The following FTO variants were observed in gnomAD, a reference collection of about 807,000 sequenced individuals.
FTO encodes the protein alpha-ketoglutarate-dependent dioxygenase FTO.
A neutral mutation model predicts 63.9 loss-of-function variants in FTO; 47 were observed. The observed-to-expected ratio is 0.74, with a 90% CI of 0.58 to 0.94. The LOEUF (loss-of-function observed/expected upper bound fraction) is 0.94, where lower values mean the gene tolerates loss of function less well. Among genes scored for constraint, FTO ranks in the 40% least tolerant of loss-of-function variants. The probability of loss-of-function intolerance (pLI) is 0.00; values close to 1 mark genes in which losing one functional copy is unlikely to be tolerated. For missense variants in FTO, 562 were observed against 618.1 expected (o/e 0.91, Z 0.96); for synonymous variants, 207 against 224.4 (o/e 0.92, Z 0.69).
At chr16:53,892,066 T>C (rs997047389) in intron 7 of FTO, among the ~76,000 whole-genome samples, 1 of 152,242 alleles carries the variant, frequency 6.6e-6, no homozygotes, top group Middle Eastern at 3.4e-3. Flanking sequence ...TACAGTGACT[T>C]TTTACAAATT....
At chr16:53,752,136 A>G (rs944261939) in intron 1 of FTO, among the ~76,000 whole-genome samples, 1 of 152,252 alleles carries the variant, frequency 6.6e-6, no homozygotes, top group Non-Finnish European at 1.5e-5. Context: ...GTTTAAATAC[A>G]TTAAGGGAGA....
At chr16:53,759,691 CTCAAAAAAAA>C (rs1374725447) in intron 1 of FTO, among the ~76,000 whole-genome samples, 53 of 114,314 alleles carry the variant, frequency 4.6e-4, no homozygotes, top group African/African-American at 9.6e-4. Context: ...AAGACTCCTT[CTCAAAAAAAA>C]AAAAAAAAAA....
intron 8 of FTO, among the ~76,000 whole-genome samples, chr16:54,101,518 T>C (rs951452649): frequency 5.9e-5 from 9 of 152,238 alleles, no homozygotes; most frequent in African/African-American, 2.2e-4. Flanking sequence ...TTTTTATGGC[T>C]TTATTGTATT....
intron 1 of FTO, among the ~76,000 whole-genome samples, chr16:53,742,976 C>T (rs1457221454): frequency 1.3e-5 from 2 of 151,956 alleles, no homozygotes; most frequent in Admixed American, 6.6e-5. Flanking sequence ...CTCCAGTGTG[C>T]CTTAAAAAAT....
At chr16:53,749,891 AATGAG>A (rs1416813725) in intron 1 of FTO, among the ~76,000 whole-genome samples, 1 of 152,188 alleles carries the variant, frequency 6.6e-6, no homozygotes, top group Non-Finnish European at 1.5e-5. Context: ...TTCTGCATCT[AATGAG>A]ATGACCATCT....
intron 8 of FTO, among the ~76,000 whole-genome samples, chr16:54,062,988 C>T (rs1041935651): frequency 1.3e-5 from 2 of 152,086 alleles, no homozygotes; most frequent in African/African-American, 2.4e-5. Context: ...CATGCGCCCC[C>T]GAGGGGTGTG....
At chr16:53,996,719 A>G (rs2143953805) in intron 8 of FTO, among the ~76,000 whole-genome samples, 1 of 152,286 alleles carries the variant, frequency 6.6e-6, no homozygotes, top group Middle Eastern at 3.4e-3. Context: ...CAGGAAACTG[A>G]CAGTCATGGC....
intron 4 of FTO, among the ~76,000 whole-genome samples, chr16:53,853,555 C>T (rs13337898): frequency 0.34 from 51,110 of 151,706 alleles, 9,893 homozygotes; most frequent in East Asian, 0.71. Context: ...TGCCCACTTA[C>T]AAGTGAGAAC....
chr16:54,074,913 AGAGAGTGTGTGT>A (rs1320933430), intron 8 of FTO, among the ~76,000 whole-genome samples: 2 of 125,056 alleles, frequency 1.6e-5, no homozygotes, highest in African/African-American at 3.0e-5. Flanking sequence ...AGAGAGAGAG[AGAGAGTGTGTGT>A]GTGTGTGTGT....
intron 7 of FTO, among the ~76,000 whole-genome samples, chr16:53,928,151 A>T (rs1467075507): frequency 6.6e-6 from 1 of 152,190 alleles, no homozygotes; most frequent in Non-Finnish European, 1.5e-5. Context: ...TCTAAAGAAT[A>T]TATTAATACT....
chr16:53,911,904 A>G (rs1004933940), intron 7 of FTO, among the ~76,000 whole-genome samples: 1 of 152,248 alleles, frequency 6.6e-6, no homozygotes, highest in Non-Finnish European at 1.5e-5. Flanking sequence ...TGATTTTGTG[A>G]TTAATTTGGT....
At chr16:53,932,940 A>G (rs2082315768) in intron 7 of FTO, among the ~76,000 whole-genome samples, 1 of 152,190 alleles carries the variant, frequency 6.6e-6, no homozygotes, top group African/African-American at 2.4e-5. Flanking sequence ...TCATAGGGGA[A>G]GATAGGACAC....
At chr16:53,856,103 T>G (rs2079983528) in intron 4 of FTO, among the ~76,000 whole-genome samples, 2 of 152,144 alleles carry the variant, frequency 1.3e-5, no homozygotes, top group African/African-American at 4.8e-5. Flanking sequence ...AATTTTTTTT[T>G]TTAGGCCTTT....
chr16:53,707,908 GA>G (rs750246958), intron 1 of FTO, among the ~76,000 whole-genome samples: 2 of 152,140 alleles, frequency 1.3e-5, no homozygotes, highest in Non-Finnish European at 2.9e-5. Flanking sequence ...AGGGAACCAC[GA>G]ATCTACTCTG....
At chr16:53,804,362 T>C (rs985081295) in intron 1 of FTO, among the ~76,000 whole-genome samples, 2 of 152,198 alleles carry the variant, frequency 1.3e-5, no homozygotes, top group Admixed American at 1.3e-4. Flanking sequence ...ACAGTGTCCT[T>C]ACAGATGAGG....
chr16:54,033,293 A>G (rs1177041839), intron 8 of FTO, among the ~76,000 whole-genome samples: 7 of 152,122 alleles, frequency 4.6e-5, no homozygotes, highest in African/African-American at 1.7e-4. Context: ...TGACTTACAT[A>G]ATACTAGCAG....
At chr16:53,897,325 T>C (rs2081300882) in intron 7 of FTO, among the ~76,000 whole-genome samples, 1 of 152,172 alleles carries the variant, frequency 6.6e-6, no homozygotes, top group Non-Finnish European at 1.5e-5. Context: ...TTAATACCGC[T>C]CAATAAATCT....
chr16:53,812,851 A>T (rs2078571289), intron 2 of FTO, among the ~76,000 whole-genome samples: 1 of 152,152 alleles, frequency 6.6e-6, no homozygotes, highest in African/African-American at 2.4e-5. Flanking sequence ...ATTCTTTTGC[A>T]ATCAGGGAAA....
chr16:53,797,302 ATTG>A (rs1221120087), intron 1 of FTO, among the ~76,000 whole-genome samples: 1 of 152,204 alleles, frequency 6.6e-6, no homozygotes, highest in East Asian at 1.9e-4. Flanking sequence ...GGTGGTATAT[ATTG>A]TTGCTTGGGA....
Sources: gnomAD v4.1 joint callset for allele counts (sites outside exome capture counted in the v4.1 genomes callset) on GRCh38, gnomAD v4.1.1 for gene constraint, MANE v1.5 for transcripts, NCBI Gene and HGNC (gene_info 2026-07-23, HGNC 2026-07-21) for gene names.